Variants in ATM observed in about 807,000 individuals in gnomAD.
ATM encodes the protein ATM serine/threonine kinase.
In ATM, 308 loss-of-function variants were observed where a neutral mutation model predicts 387.0. That is an observed-to-expected ratio of 0.80 (90% CI 0.73 to 0.87). ATM has a LOEUF of 0.87. Among genes scored for constraint, ATM ranks in the 40% least tolerant of loss-of-function variants. ATM has a pLI of 0.00. For missense variants in ATM, 3,312 were observed against 3,560.9 expected, an observed-to-expected ratio of 0.93 and a Z score of 1.78; for synonymous variants, 1,156 against 1,187.3, an observed-to-expected ratio of 0.97 and a Z score of 0.54.
intron 16 of ATM, among the ~76,000 whole-genome samples, chr11:108,266,884 C>G (rs1038369300): frequency 6.6e-6 from 1 of 151,406 alleles, no homozygotes; most frequent in East Asian, 1.9e-4. Context: ...CAATCTCTGC[C>G]TCCTGAGTTC....
chr11:108,345,842 T>C lies in ATM; in HGVS notation c.8518T>C (p.Leu2840=), dbSNP rs794727769. The C allele has an allele frequency of 8.7e-6, 14 of 1,613,964 alleles. No homozygotes were observed. The highest frequency in any genetic ancestry group is 1.1e-5 in the Non-Finnish European group (13 of 1,179,884). Residue 2840 remains leucine, a synonymous_variant, in exon 58 of 63, where the codon TTG becomes CTG. Transcript: ENST00000675843. ...CCGTTACTTCTGCATGGAAAAATTCTTGGATCCAGCTATTTGGTTTGAGAA... is the reference window on the plus strand; with the variant it reads ...CCGTTACTTCTGCATGGAAAAATTCCTGGATCCAGCTATTTGGTTTGAGAA... ...VFRYFCMEKF[L]DPAIWFEKRL...
At chr11:108,308,045 GC>G (rs2083832092) in intron 38 of ATM, 61 bp downstream of exon 38, 1 of 1,463,530 alleles carries the variant, frequency 6.8e-7, no homozygotes, top group Admixed American at 1.7e-5. Context: ...TTAACTATCG[GC>G]TGAATTTTAA....
At chr11:108,244,756 A>T (rs1207331421) in intron 6 of ATM, 32 bp from the exon 7 acceptor site, 1 of 1,523,750 alleles carries the variant, frequency 6.6e-7, no homozygotes, top group Non-Finnish European at 9.1e-7. Context: ...TCCCCCTGTT[A>T]TACCCAGTTG....
chr11:108,224,761 T>A (rs1272960194), intron 1 of ATM: 1 of 152,242 alleles, frequency 6.6e-6, no homozygotes, highest in African/African-American at 2.4e-5. Context: ...TTATTTTCTA[T>A]TACTGTGTTT....
chr11:108,243,259 C>T (rs570284217), intron 5 of ATM, among the ~76,000 whole-genome samples: 1 of 152,138 alleles, frequency 6.6e-6, no homozygotes, highest in South Asian at 2.1e-4. Context: ...AAATTTCATA[C>T]CCTTCATAGG....
At chr11:108,224,103 G>A (rs1489582416) in intron 1 of ATM, 1 of 152,208 alleles carries the variant, frequency 6.6e-6, no homozygotes, top group Admixed American at 6.5e-5. Flanking sequence ...GGCACTGTAA[G>A]CATGTATATG....
At chr11:108,275,963 G>T (rs1389860564) in intron 22 of ATM, among the ~76,000 whole-genome samples, 2 of 152,092 alleles carry the variant, frequency 1.3e-5, no homozygotes, top group Non-Finnish European at 2.9e-5. Flanking sequence ...TTTCCAACTT[G>T]GTTCCATTCT....
intron 22 of ATM, among the ~76,000 whole-genome samples, chr11:108,278,987 A>G (rs2082084022): frequency 2.0e-5 from 3 of 152,232 alleles, no homozygotes; most frequent in Admixed American, 2.0e-4. Flanking sequence ...AGGATAAAAG[A>G]CAAAGTTGAT....
intron 16 of ATM, among the ~76,000 whole-genome samples, chr11:108,264,453 A>G (rs981767665): frequency 6.6e-6 from 1 of 152,228 alleles, no homozygotes; most frequent in South Asian, 2.1e-4. Context: ...AAAAACTCTG[A>G]ATAAATTAGG....
At position 108,350,409 on chromosome 11, in the gene ATM, A is replaced by G. The variant is rs144962480; in HGVS notation, c.8671+3044A>G. On this transcript the variant is annotated intron_variant, in intron 59 of 62. Coordinates refer to ENST00000675843, the MANE Select transcript of ATM (RefSeq NM_000051.4). ...AGACTGTTTAGTAAGAATAAGGGGT[A>G]GAAGGAGAAGAGGTTTTGATTAGAA... is the stretch of plus-strand genomic sequence containing the variant. Among the ~76,000 whole-genome samples the G allele has an allele frequency of 1.1e-4, 16 of 152,362 alleles. No homozygotes were observed. In the East Asian group the frequency reaches 2.9e-3, roughly 28 times the overall value.
chr11:108,231,816 A>G (rs777572008), intron 4 of ATM, among the ~76,000 whole-genome samples: 33 of 152,082 alleles, frequency 2.2e-4, no homozygotes, highest in Non-Finnish European at 4.1e-4. Flanking sequence ...GAGTCCAAAG[A>G]ATAATGGTTT....
chr11:108,330,293 T>G lies in ATM; in HGVS notation c.7387T>G (p.Leu2463Val), dbSNP rs781255503. ...ACTGAAAGAGGATCGTAAACGCTTC[T>G]TATGTAAAGCAGTTGAAAATTATAT... is the stretch of plus-strand genomic sequence containing the variant. ...RALKEDRKRF[L>V]CKAVENYINC... is the part of the protein sequence containing the mutation. Residue 2463 changes from leucine to valine, a missense_variant, in exon 50 of 63, where the codon TTA becomes GTA. Physicochemically the swap from Leu to Val is conservative, Grantham distance 32. This residue lies in a region of ATM where 1,405 missense variants were observed against 1,604.4 expected (regional missense o/e 0.88). Coordinates refer to ENST00000675843, the MANE Select transcript of ATM (RefSeq NM_000051.4). The G allele has an allele frequency of 1.2e-6, 2 of 1,614,210 alleles. No homozygotes were observed. Among genetic ancestry groups the G allele is most frequent in the Non-Finnish European group, 1.7e-6 (2 of 1,180,014 alleles).
chr11:108,353,526 T>C (rs2089457572), intron 59 of ATM, among the ~76,000 whole-genome samples: 1 of 152,220 alleles, frequency 6.6e-6, no homozygotes, highest in Admixed American at 6.5e-5. Flanking sequence ...AATCACCCTT[T>C]AACCTAGATT....
chr11:108,315,718 T>G (rs2136113318), intron 40 of ATM, 105 bp from the exon 41 acceptor site: 2 of 789,000 alleles, frequency 2.5e-6, no homozygotes, highest in East Asian at 2.6e-5. Flanking sequence ...AACATAACAT[T>G]TAGAGTTGGG....
chr11:108,315,005 A>G (rs1374376756), intron 40 of ATM, among the ~76,000 whole-genome samples: 2 of 152,222 alleles, frequency 1.3e-5, no homozygotes, highest in Non-Finnish European at 2.9e-5. Context: ...TTGTAATGGC[A>G]TGACTTTTCT....
At chr11:108,308,933 T>G in intron 38 of ATM, 2 of 1,247,646 alleles carry the variant, frequency 1.6e-6, no homozygotes, top group Non-Finnish European at 2.3e-6. Flanking sequence ...TTCTTGGTGT[T>G]GGGAGGCAGT....
intron 50 of ATM, 83 bp from the exon 51 acceptor site, chr11:108,331,361 G>A: frequency 6.5e-7 from 1 of 1,532,556 alleles, no homozygotes; most frequent in Non-Finnish European, 8.8e-7. Context: ...GAGGAGCACT[G>A]TCTTAAAATA....
At chr11:108,275,463 T>G (rs1046990761) in intron 22 of ATM, among the ~76,000 whole-genome samples, 6 of 152,220 alleles carry the variant, frequency 3.9e-5, no homozygotes, top group Admixed American at 2.0e-4. Flanking sequence ...GTGTCAATGG[T>G]CTTTACAATT....
intron 4 of ATM, 98 bp from the exon 5 acceptor site, chr11:108,235,572 A>G: frequency 8.7e-7 from 1 of 1,148,276 alleles, no homozygotes; most frequent in Non-Finnish European, 1.2e-6. Flanking sequence ...TTTAGTTAAT[A>G]GTAATTTCCC....
Sources: gnomAD v4.1 joint callset for allele counts (sites outside exome capture counted in the v4.1 genomes callset) on GRCh38, gnomAD v4.1.1 for gene constraint, gnomAD v4.1.1 regional missense constraint, MANE v1.5 for transcripts, NCBI Gene and HGNC (gene_info 2026-07-23, HGNC 2026-07-21) for gene names.